Variants in NEK10 observed in about 807,000 individuals in gnomAD.
The protein encoded by NEK10 is serine/threonine-protein kinase Nek10.
A neutral mutation model predicts 159.8 loss-of-function variants in NEK10; 122 were observed. The observed-to-expected ratio is 0.76, with a 90% CI of 0.66 to 0.89. The LOEUF is 0.89. Among genes scored for constraint, NEK10 ranks in the 40% least tolerant of loss-of-function variants. The pLI is 0.00. For missense variants in NEK10, 1,342 were observed against 1,323.1 expected (o/e 1.01, Z -0.22); for synonymous variants, 466 against 457.1 (o/e 1.02, Z -0.25).
intron 22 of NEK10, among the ~76,000 whole-genome samples, chr3:27,264,918 A>G (rs949005851): frequency 6.7e-6 from 1 of 150,252 alleles, no homozygotes; most frequent in African/African-American, 2.4e-5. Flanking sequence ...ATAAATAAAT[A>G]AATAAATAAA....
intron 6 of NEK10, among the ~76,000 whole-genome samples, chr3:27,321,635 C>G (rs896919619): frequency 5.3e-5 from 8 of 152,110 alleles, no homozygotes; most frequent in African/African-American, 1.9e-4. Flanking sequence ...GCGTGAGCCA[C>G]CATGCCCAAC....
At chr3:27,257,713 A>G (rs1956348699) in intron 22 of NEK10, among the ~76,000 whole-genome samples, 1 of 152,074 alleles carries the variant, frequency 6.6e-6, no homozygotes, top group Non-Finnish European at 1.5e-5. Flanking sequence ...CAATCTGAAT[A>G]CTGACTCTAT....
chr3:27,314,292 CT>C lies in NEK10; in HGVS notation c.489+4del. On this transcript the variant is annotated splice_donor_region_variant and intron_variant, in intron 7 of 35. Coordinates refer to ENST00000691995, the MANE Select transcript of NEK10 (RefSeq NM_001394966.1). Reference sequence around the variant, plus strand: ...CAAGACCAGCCACCACAAAAGGAATCTTACCTGAGCTAGGTTTTCAATCCCA... The same window carrying C: ...CAAGACCAGCCACCACAAAAGGAATCTACCTGAGCTAGGTTTTCAATCCCA... 1.3e-6 allele frequency: 2 copies of C among 1,598,464 alleles called. No homozygotes were observed. The highest frequency in any genetic ancestry group is 1.7e-5 in the Admixed American group (1 of 58,566).
intron 30 of NEK10, among the ~76,000 whole-genome samples, chr3:27,157,313 T>G (rs796993526): frequency 6.6e-6 from 1 of 151,750 alleles, no homozygotes. Flanking sequence ...GGAAAGAAAT[T>G]TAAAAAATTT....
chr3:27,148,814 A>C (rs1013329774), intron 30 of NEK10, among the ~76,000 whole-genome samples: 5 of 152,070 alleles, frequency 3.3e-5, no homozygotes, highest in Non-Finnish European at 7.4e-5. Flanking sequence ...AGAAACCCAA[A>C]TGGCATGAGT....
chr3:27,200,415 T>C (rs1949948629), intron 25 of NEK10, among the ~76,000 whole-genome samples: 1 of 152,136 alleles, frequency 6.6e-6, no homozygotes. Context: ...CTCAGTTTGA[T>C]GGGATGGAGA....
chr3:27,234,691 A>G (rs1157613325), intron 23 of NEK10, among the ~76,000 whole-genome samples: 3 of 152,180 alleles, frequency 2.0e-5, no homozygotes, highest in Non-Finnish European at 4.4e-5. Flanking sequence ...ATACTGCCCA[A>G]AGCAATTCAT....
intron 29 of NEK10, among the ~76,000 whole-genome samples, chr3:27,163,300 G>A (rs1217672205): frequency 1.3e-5 from 2 of 151,872 alleles, no homozygotes; most frequent in South Asian, 2.1e-4. Context: ...ACCCCACCAG[G>A]GATATCTGTA....
intron 23 of NEK10, among the ~76,000 whole-genome samples, chr3:27,235,292 G>T (rs1953785108): frequency 6.6e-6 from 1 of 152,144 alleles, no homozygotes. Flanking sequence ...AAGAGCTTCT[G>T]TACAGCAAAA....
intron 26 of NEK10, among the ~76,000 whole-genome samples, chr3:27,184,965 A>G (rs112717221): frequency 1.3e-5 from 2 of 152,056 alleles, no homozygotes; most frequent in Non-Finnish European, 2.9e-5. Flanking sequence ...AATTTGCATT[A>G]AAAAAATGAG....
At chr3:27,118,244 G>T (rs1168343068) in intron 33 of NEK10, among the ~76,000 whole-genome samples, 1 of 152,164 alleles carries the variant, frequency 6.6e-6, no homozygotes, top group East Asian at 1.9e-4. Flanking sequence ...TTGAAGTCAG[G>T]TAATGTGATG....
At chr3:27,260,490 G>C (rs1477188191) in intron 22 of NEK10, among the ~76,000 whole-genome samples, 1 of 152,108 alleles carries the variant, frequency 6.6e-6, no homozygotes, top group East Asian at 1.9e-4. Flanking sequence ...TGTGGTTTTT[G>C]TTTTTGGTTC....
At chr3:27,164,360 T>G (rs940657687) in intron 29 of NEK10, among the ~76,000 whole-genome samples, 1 of 152,110 alleles carries the variant, frequency 6.6e-6, no homozygotes, top group Admixed American at 6.5e-5. Flanking sequence ...CCGAATAACT[T>G]TGCCCCTTAC....
chr3:27,224,051 GT>G (rs1952385293), intron 23 of NEK10, among the ~76,000 whole-genome samples: 1 of 152,120 alleles, frequency 6.6e-6, no homozygotes. Context: ...TTAAGATGAG[GT>G]CATACTGCAT....
intron 33 of NEK10, among the ~76,000 whole-genome samples, 178 bp from the exon 34 acceptor site, chr3:27,116,305 C>T (rs992498133): frequency 1.1e-4 from 16 of 152,106 alleles, no homozygotes; most frequent in African/African-American, 3.9e-4. Context: ...GTTTTGTTTT[C>T]CTTTCTTTAA....
chr3:27,116,736 T>C lies in NEK10; in HGVS notation c.3191-609A>G, dbSNP rs563385473. ...TTGGTCTTGAATTCCTGAGCTCAAG[T>C]CATCCTCTTGCCTACAGCCTTCCAA... On this transcript the variant is annotated intron_variant, in intron 33 of 35. Coordinates refer to ENST00000691995, the MANE Select transcript of NEK10 (RefSeq NM_001394966.1). 4.6e-5 allele frequency among the ~76,000 whole-genome samples: 7 copies of C among 152,184 alleles called. No individual in the cohort carries two copies. In the South Asian group the frequency reaches 1.5e-3, roughly 32 times the overall value.
chr3:27,228,918 T>C (rs1952925992), intron 23 of NEK10, among the ~76,000 whole-genome samples: 2 of 152,040 alleles, frequency 1.3e-5, no homozygotes, highest in African/African-American at 2.4e-5. Context: ...GCACATCTAA[T>C]TGAGAGCTCC....
chr3:27,116,148 A>G lies in NEK10; in HGVS notation c.3191-21T>C, dbSNP rs543469004. 6 of 1,609,964 alleles carry G rather than the reference A, an allele frequency of 3.7e-6. No homozygotes were observed. The African/African-American group carries it at 5.3e-5, about 14-fold the overall frequency. On this transcript the variant is annotated intron_variant, in intron 33 of 35. Coordinates refer to ENST00000691995, the MANE Select transcript of NEK10 (RefSeq NM_001394966.1). ...TAAACCTAAAAAAGATAAATTATGG[A>G]AAGTCTGACATTTGGGTTCACATTT...
intron 13 of NEK10, among the ~76,000 whole-genome samples, chr3:27,301,190 A>C (rs1399895398): frequency 6.6e-6 from 1 of 152,222 alleles, no homozygotes; most frequent in Non-Finnish European, 1.5e-5. Context: ...CCTGCCAAAA[A>C]GCATTGATGC....
Sources: gnomAD v4.1 joint callset for allele counts (sites outside exome capture counted in the v4.1 genomes callset) on GRCh38, gnomAD v4.1.1 for gene constraint, MANE v1.5 for transcripts, NCBI Gene and HGNC (gene_info 2026-07-23, HGNC 2026-07-21) for gene names.